ACTR3: variants seen among roughly 807,000 people sequenced by gnomAD.
The protein encoded by ACTR3 is actin-related protein 3.
A neutral mutation model predicts 56.8 loss-of-function variants in ACTR3; 12 were observed. The ratio of observed to expected loss-of-function variants is 0.21; its 90% CI spans 0.14 to 0.34. ACTR3 has a LOEUF of 0.34. Ranked by LOEUF, ACTR3 falls within the 10% of genes least tolerant of loss-of-function variation. The pLI, the probability that ACTR3 is intolerant of heterozygous loss-of-function variation, is 1.00. For missense variants in ACTR3, 282 were observed against 512.5 expected, an observed-to-expected ratio of 0.55 and a Z score of 4.34; for synonymous variants, 162 against 167.4, an observed-to-expected ratio of 0.97 and a Z score of 0.25.
chr2:113,942,083 G>GTTTT, intron 7 of ACTR3, 103 bp from the exon 8 acceptor site: 5 of 764,174 alleles, frequency 6.5e-6, no homozygotes, highest in South Asian at 2.9e-5. Context: ...TTTCTGAAGA[G>GTTTT]TTTTTTTTTT....
chr2:113,924,902 T>C (rs1679588337), intron 3 of ACTR3, among the ~76,000 whole-genome samples: 1 of 151,922 alleles, frequency 6.6e-6, no homozygotes, highest in African/African-American at 2.4e-5. Context: ...TATTTATTTA[T>C]TTATTTATTT....
At chr2:113,947,668 C>T (rs903420668) in intron 8 of ACTR3, among the ~76,000 whole-genome samples, 6 of 151,968 alleles carry the variant, frequency 3.9e-5, no homozygotes, top group Non-Finnish European at 4.4e-5. Context: ...ATAAATAACC[C>T]AAAGCTTTAG....
At chr2:113,933,466 C>A (rs1268782711) in intron 5 of ACTR3, among the ~76,000 whole-genome samples, 1 of 151,992 alleles carries the variant, frequency 6.6e-6, no homozygotes, top group African/African-American at 2.4e-5. Context: ...CGAGATCGTG[C>A]CACTGCATTC....
intron 3 of ACTR3, among the ~76,000 whole-genome samples, chr2:113,918,408 A>G (rs10201959): frequency 0.29 from 43,902 of 149,184 alleles, 10,709 homozygotes; most frequent in African/African-American, 0.67. Flanking sequence ...TTTTAAGACA[A>G]AGCCTCACTT....
rs777477136 is a variant in ACTR3, at chr2:113,956,827, A to G, written c.1162-533A>G. Among the ~76,000 whole-genome samples, 9 of 152,214 alleles carry G rather than the reference A, an allele frequency of 5.9e-5. No homozygotes were observed. In the South Asian group the frequency reaches 6.2e-4, roughly 10 times the overall value. On this transcript the variant is annotated intron_variant, in intron 11 of 11. Transcript: ENST00000263238. ...TTTTCCTCAATTTTAGTCTTCTTCA[A>G]TTGGGCCATATAACCTAGTTGAGTT...
At chr2:113,911,294 GT>G (rs60682563) in intron 1 of ACTR3, among the ~76,000 whole-genome samples, 53 of 143,066 alleles carry the variant, frequency 3.7e-4, no homozygotes, top group Non-Finnish European at 4.3e-4. Context: ...TTTGTTTTTC[GT>G]TTTTTTTTTT....
intron 1 of ACTR3, among the ~76,000 whole-genome samples, chr2:113,902,577 A>T (rs574460782): frequency 1.3e-5 from 2 of 151,464 alleles, no homozygotes; most frequent in East Asian, 3.9e-4. Context: ...TCTCTAGATC[A>T]CAAAGAGACA....
intron 1 of ACTR3, among the ~76,000 whole-genome samples, chr2:113,911,395 A>G (rs1300351397): frequency 6.8e-6 from 1 of 148,116 alleles, no homozygotes; most frequent in Non-Finnish European, 1.5e-5. Flanking sequence ...CCTTATTTTT[A>G]ATGATTTACT....
intron 4 of ACTR3, among the ~76,000 whole-genome samples, chr2:113,929,920 C>T (rs1328844856): frequency 6.6e-6 from 1 of 152,174 alleles, no homozygotes; most frequent in Non-Finnish European, 1.5e-5. Context: ...CTCAAGTAAT[C>T]TGCCCACCTC....
intron 1 of ACTR3, among the ~76,000 whole-genome samples, chr2:113,891,703 T>G (rs1678905397): frequency 1.3e-5 from 2 of 152,034 alleles, no homozygotes; most frequent in South Asian, 4.1e-4. Context: ...TGAAATTTCT[T>G]TAATCTTCAT....
intron 6 of ACTR3, among the ~76,000 whole-genome samples, chr2:113,936,893 A>G (rs778343312): frequency 6.6e-6 from 1 of 152,148 alleles, no homozygotes; most frequent in Non-Finnish European, 1.5e-5. Flanking sequence ...AGTCCTCCCC[A>G]TACATGTCTG....
At chr2:113,891,615 C>T (rs1678899375) in intron 1 of ACTR3, among the ~76,000 whole-genome samples, 1 of 144,696 alleles carries the variant, frequency 6.9e-6, no homozygotes. Flanking sequence ...GACTGTCAGG[C>T]TTTTTTTTTT....
chr2:113,925,512 TA>T (rs1163203556), intron 3 of ACTR3, among the ~76,000 whole-genome samples: 4 of 152,190 alleles, frequency 2.6e-5, no homozygotes, highest in Non-Finnish European at 5.9e-5. Flanking sequence ...TTATTTTTTT[TA>T]AAAACCTGTA....
chr2:113,898,119 G>A (rs1250798648), intron 1 of ACTR3, among the ~76,000 whole-genome samples: 2 of 151,996 alleles, frequency 1.3e-5, no homozygotes, highest in African/African-American at 2.4e-5. Context: ...CATGTTTTTA[G>A]TATTAGTGTA....
chr2:113,897,454 A>G (rs933763621), intron 1 of ACTR3, among the ~76,000 whole-genome samples: 1 of 152,018 alleles, frequency 6.6e-6, no homozygotes, highest in African/African-American at 2.4e-5. Flanking sequence ...TTTAAACTCA[A>G]GCCATTCTTA....
Position 113,951,822 on chromosome 2 carries a change from G to A in ACTR3, c.1054G>A (p.Glu352Lys). ...TVDARLKLSE[E>K]LSGGRLKPKP... ...AGATGCCCGGCTGAAATTAAGTGAG[G>A]AATTGAGTGGTGGTAGATTGAAGGT... Residue 352 changes from glutamate to lysine, a missense_variant, in exon 10 of 12, where the codon GAA (glutamate) becomes AAA (lysine). Glu to Lys is a moderately conservative substitution (Grantham distance 56). Coordinates refer to ENST00000263238, the MANE Select transcript of ACTR3 (RefSeq NM_005721.5). The A allele has an allele frequency of 6.2e-7, 1 of 1,613,470 alleles. No homozygotes were observed. Among genetic ancestry groups the A allele is most frequent in the Non-Finnish European group, 8.5e-7 (1 of 1,179,492 alleles).
chr2:113,923,273 T>G (rs1477437694), intron 3 of ACTR3, among the ~76,000 whole-genome samples: 1 of 152,220 alleles, frequency 6.6e-6, no homozygotes, highest in Non-Finnish European at 1.5e-5. Flanking sequence ...TGATTTGTCT[T>G]TCTTTTGCAG....
intron 8 of ACTR3, 26 bp downstream of exon 8, chr2:113,942,385 A>C (rs1373570266): frequency 1.3e-6 from 2 of 1,491,442 alleles, no homozygotes; most frequent in African/African-American, 2.9e-5. Context: ...GGAATTGTTT[A>C]AAAGTATTCA....
intron 3 of ACTR3, among the ~76,000 whole-genome samples, chr2:113,921,891 GGGAAGAGAACTAA>G (rs1354062611): frequency 2.0e-5 from 3 of 152,136 alleles, no homozygotes; most frequent in Non-Finnish European, 4.4e-5. Flanking sequence ...CATATCACAG[GGGAAGAGAACTAA>G]GACAGAGCAG....
Sources: gnomAD v4.1 joint callset for allele counts (sites outside exome capture counted in the v4.1 genomes callset) on GRCh38, gnomAD v4.1.1 for gene constraint, MANE v1.5 for transcripts, NCBI Gene and HGNC (gene_info 2026-07-23, HGNC 2026-07-21) for gene names.